Variants in GLCE observed in about 807,000 individuals in gnomAD.
GLCE encodes D-glucuronyl C5-epimerase.
In GLCE, 19 loss-of-function variants were observed where a neutral mutation model predicts 47.9. That is an observed-to-expected ratio of 0.40 (90% CI 0.28 to 0.58). GLCE has a LOEUF of 0.58. Among genes scored for constraint, GLCE ranks in the 20% least tolerant of loss-of-function variants. The probability of loss-of-function intolerance (pLI) is 0.48; values close to 1 mark genes in which losing one functional copy is unlikely to be tolerated. For missense variants in GLCE, 556 were observed against 743.3 expected, an observed-to-expected ratio of 0.75 and a Z score of 2.93; for synonymous variants, 245 against 263.4, an observed-to-expected ratio of 0.93 and a Z score of 0.68.
At chr15:69,258,871 T>G (rs2052973236) in intron 3 of GLCE, among the ~76,000 whole-genome samples, 1 of 152,268 alleles carries the variant, frequency 6.6e-6, no homozygotes, top group Non-Finnish European at 1.5e-5. Flanking sequence ...TTACAGATTT[T>G]CATTGTTAAT....
chr15:69,169,281 T>C (rs2051550508), intron 1 of GLCE, among the ~76,000 whole-genome samples: 1 of 152,246 alleles, frequency 6.6e-6, no homozygotes. Context: ...GAAACAAAGC[T>C]ACCATAAACA....
In GLCE at chr15:69,271,570, C is replaced by G. The variant is rs2053167398; in HGVS notation, c.*2326C>G. On this transcript the variant is annotated 3_prime_UTR_variant, in exon 5 of 5. Transcript: ENST00000261858. Reference sequence around the variant, plus strand: ...AAATTATGTAAAATGTTTACTTATTCTGAGCTTAGAGAGAATGGGGAGGGT... The same window carrying G: ...AAATTATGTAAAATGTTTACTTATTGTGAGCTTAGAGAGAATGGGGAGGGT... The G allele has an allele frequency of 1.3e-5, 2 of 152,582 alleles. No homozygotes were observed. Among genetic ancestry groups the G allele is most frequent in the Non-Finnish European group, 2.9e-5 (2 of 68,040 alleles). 9.5% of individuals were successfully genotyped at this position (152,582 alleles called of 1,614,324 possible).
In GLCE at chr15:69,268,432, A is replaced by G; in HGVS notation, c.1042A>G (p.Ser348Gly). The G allele has an allele frequency of 6.2e-7, 1 of 1,614,104 alleles. No homozygotes were observed. Among genetic ancestry groups the G allele is most frequent in the Non-Finnish European group, 8.5e-7 (1 of 1,179,948 alleles). Residue 348 changes from serine to glycine, a missense_variant, in exon 5 of 5, where the codon AGC becomes GGC. Coordinates refer to ENST00000261858, the MANE Select transcript of GLCE (RefSeq NM_015554.3). The part of the protein sequence containing the change: ...YYGIGPRTSW[S>G]TVTRDLVTDL... ...TGGCATTGGGCCCAGAACTTCATGG[A>G]GCACAGTTACCAGGGACCTGGTCAC...
intron 1 of GLCE, among the ~76,000 whole-genome samples, chr15:69,198,272 T>C (rs1595750020): frequency 6.6e-6 from 1 of 152,212 alleles, no homozygotes; most frequent in Non-Finnish European, 1.5e-5. Flanking sequence ...TCTTTGACTG[T>C]AGTGTTTTTA....
intron 4 of GLCE, among the ~76,000 whole-genome samples, chr15:69,265,393 C>T (rs1200883275): frequency 6.6e-6 from 1 of 152,036 alleles, no homozygotes; most frequent in Non-Finnish European, 1.5e-5. Context: ...TTCAGGTCCT[C>T]GTGAATGATG....
intron 2 of GLCE, among the ~76,000 whole-genome samples, chr15:69,243,018 C>T (rs1399619823): frequency 7.3e-6 from 1 of 137,664 alleles, no homozygotes; most frequent in Non-Finnish European, 1.5e-5. Context: ...GAGCATGGCA[C>T]TGCACTCCAG....
intron 2 of GLCE, among the ~76,000 whole-genome samples, chr15:69,249,060 AGAGAATGATGGGGT>A (rs1184920542): frequency 3.3e-5 from 5 of 152,230 alleles, no homozygotes; most frequent in African/African-American, 1.2e-4. Context: ...GTAAGGACCT[AGAGAATGATGGGGT>A]GAGAACTGGT....
intron 2 of GLCE, among the ~76,000 whole-genome samples, chr15:69,216,554 T>C (rs919380114): frequency 1.3e-5 from 2 of 152,142 alleles, no homozygotes; most frequent in African/African-American, 4.8e-5. Context: ...TGATACTTAC[T>C]ATTTCTTTTT....
At chr15:69,235,070 G>T (rs2052576256) in intron 2 of GLCE, among the ~76,000 whole-genome samples, 1 of 135,140 alleles carries the variant, frequency 7.4e-6, no homozygotes, top group Non-Finnish European at 1.5e-5. Context: ...TAAATGAACT[G>T]ATACAGATAG....
intron 1 of GLCE, among the ~76,000 whole-genome samples, chr15:69,189,762 T>A (rs773076939): frequency 4.3e-4 from 65 of 152,164 alleles, no homozygotes; most frequent in Non-Finnish European, 7.9e-4. Flanking sequence ...GTACTTCCCT[T>A]CAGAAGAGGA....
At chr15:69,214,865 C>A (rs2140380343) in intron 2 of GLCE, among the ~76,000 whole-genome samples, 1 of 152,210 alleles carries the variant, frequency 6.6e-6, no homozygotes, top group East Asian at 1.9e-4. Flanking sequence ...CTGTGAGAAA[C>A]AAATTTACCA....
intron 4 of GLCE, 57 bp from the exon 5 acceptor site, chr15:69,268,163 C>T: frequency 8.8e-7 from 1 of 1,130,148 alleles, no homozygotes. Flanking sequence ...AATTCAATTT[C>T]AAATACAAAA....
intron 2 of GLCE, among the ~76,000 whole-genome samples, chr15:69,226,030 G>T (rs943792143): frequency 6.7e-6 from 1 of 148,482 alleles, no homozygotes; most frequent in African/African-American, 2.5e-5. Context: ...ACACATACAC[G>T]TGTGCACGCA....
chr15:69,265,024 C>G (rs545841593), intron 4 of GLCE, among the ~76,000 whole-genome samples: 1 of 152,182 alleles, frequency 6.6e-6, no homozygotes, highest in Admixed American at 6.5e-5. Flanking sequence ...TGTGCAAAAG[C>G]TTTTTAGTTT....
intron 2 of GLCE, among the ~76,000 whole-genome samples, chr15:69,213,954 A>G (rs917197068): frequency 6.6e-6 from 1 of 152,048 alleles, no homozygotes; most frequent in Non-Finnish European, 1.5e-5. Flanking sequence ...TTGTTGCTCA[A>G]ATTGTTCCAG....
intron 2 of GLCE, among the ~76,000 whole-genome samples, chr15:69,255,038 A>G (rs1268897231): frequency 6.6e-6 from 1 of 152,182 alleles, no homozygotes; most frequent in Non-Finnish European, 1.5e-5. Context: ...AAACCATGGG[A>G]AGAAAATGTT....
chr15:69,222,972 A>C (rs1438077179), intron 2 of GLCE, among the ~76,000 whole-genome samples: 3 of 152,196 alleles, frequency 2.0e-5, no homozygotes, highest in Non-Finnish European at 4.4e-5. Flanking sequence ...ATATCCAAAA[A>C]TCCTGCTCAT....
At chr15:69,209,723 T>G (rs1355874958) in intron 1 of GLCE, among the ~76,000 whole-genome samples, 1 of 152,114 alleles carries the variant, frequency 6.6e-6, no homozygotes, top group Non-Finnish European at 1.5e-5. Flanking sequence ...GCTCCCCTTT[T>G]CTGATCAGAA....
intron 2 of GLCE, among the ~76,000 whole-genome samples, chr15:69,246,442 G>T (rs895049597): frequency 6.6e-6 from 1 of 152,144 alleles, no homozygotes; most frequent in African/African-American, 2.4e-5. Flanking sequence ...AGTTGGCTGG[G>T]TGTGGTGGCT....
Sources: gnomAD v4.1 joint callset for allele counts (sites outside exome capture counted in the v4.1 genomes callset) on GRCh38, gnomAD v4.1.1 for gene constraint, MANE v1.5 for transcripts, NCBI Gene and HGNC (gene_info 2026-07-23, HGNC 2026-07-21) for gene names.